KIF1B: variants seen among roughly 807,000 people sequenced by gnomAD.
The protein encoded by KIF1B is kinesin family member 1B, also known as kinesin-like protein KIF1B.
KIF1B carries 76 observed loss-of-function variants against 241.9 expected under a neutral mutation model. The observed-to-expected ratio is 0.31, with a 90% confidence interval of 0.26 to 0.38. The LOEUF (loss-of-function observed/expected upper bound fraction) is 0.38. KIF1B is among the 10% of genes least tolerant of loss of function. The pLI is 1.00. For missense variants in KIF1B, 1,622 were observed against 2,271.4 expected, an observed-to-expected ratio of 0.71 and a Z score of 5.81; for synonymous variants, 750 against 796.7, an observed-to-expected ratio of 0.94 and a Z score of 0.99.
In KIF1B at chr1:10,303,258, C is replaced by G. The variant is rs201059439; in HGVS notation, c.2115+6012C>G. The G allele has an allele frequency of 2.2e-5, 36 of 1,614,020 alleles. No homozygotes were observed. Among genetic ancestry groups the G allele is most frequent in the Non-Finnish European group, 2.7e-5 (32 of 1,180,020 alleles). On this transcript the variant is annotated intron_variant, in intron 22 of 48. Transcript: ENST00000676179. The surrounding 1 kb of genome is among the most constrained non-coding windows in gnomAD (Gnocchi z 5.2). ...CTCTGAGAGAAAAGCTACCTCCCAG[C>G]AAGTTGCAAACCATTGTTAAAAAAT...
At chr1:10,312,132 A>C (rs1651096370) in intron 22 of KIF1B, among the ~76,000 whole-genome samples, 1 of 151,418 alleles carries the variant, frequency 6.6e-6, no homozygotes, top group South Asian at 2.1e-4. Flanking sequence ...CTGATGATAC[A>C]CAACTACTGC....
At chr1:10,227,218 A>G (rs1264631819) in intron 1 of KIF1B, among the ~76,000 whole-genome samples, 1 of 151,886 alleles carries the variant, frequency 6.6e-6, no homozygotes, top group African/African-American at 2.4e-5. Flanking sequence ...GTGCTTTAGT[A>G]GAGATGGGGT....
intron 2 of KIF1B, among the ~76,000 whole-genome samples, chr1:10,239,846 A>G (rs1647110391): frequency 1.3e-5 from 2 of 151,904 alleles, no homozygotes; most frequent in South Asian, 4.1e-4. Context: ...GCTCACTGCA[A>G]GCTCTGCCTC....
At chr1:10,324,107 A>AAT in intron 25 of KIF1B, 45 bp downstream of exon 25, 1 of 1,582,706 alleles carries the variant, frequency 6.3e-7, no homozygotes, top group Non-Finnish European at 8.7e-7. Flanking sequence ...TTAGGAAATA[A>AAT]CAATGACCTG....
chr1:10,256,284 G>A lies in KIF1B; in HGVS notation c.144G>A (p.Lys48=), dbSNP rs975589148. The A allele has an allele frequency of 1.2e-6, 2 of 1,612,662 alleles. No individual in the cohort carries two copies. The highest frequency in any genetic ancestry group is 1.7e-6 in the Non-Finnish European group (2 of 1,178,666). The change falls in exon 3 of 49, where the codon AAG becomes AAA. Residue 48 remains lysine, a synonymous_variant. Coordinates refer to ENST00000676179, the MANE Select transcript of KIF1B (RefSeq NM_001365951.3). The part of the protein sequence containing the change: ...INPKNPKEAP[K]SFSFDYSYWS... ...CAAAGAATCCAAAGGAAGCTCCAAAGTCCTTCAGCTTCGACTATTCCTACT... is the reference window on the plus strand; with the variant it reads ...CAAAGAATCCAAAGGAAGCTCCAAAATCCTTCAGCTTCGACTATTCCTACT...
At position 10,297,264 on chromosome 1, in the gene KIF1B, G is replaced by C; in HGVS notation, c.2115+18G>C. 1 of 1,608,126 alleles carries C rather than the reference G, an allele frequency of 6.2e-7. No individual in the cohort carries two copies. Among genetic ancestry groups the C allele is most frequent in the Non-Finnish European group, 8.5e-7 (1 of 1,175,910 alleles). On this transcript the variant is annotated intron_variant, in intron 22 of 48. Transcript: ENST00000676179. ...AGAGACTGGTAGGAGTCCTGAATCTGCTAAACTGTTGGGAAAAGGGCAGCT... is the reference window on the plus strand; with the variant it reads ...AGAGACTGGTAGGAGTCCTGAATCTCCTAAACTGTTGGGAAAAGGGCAGCT...
intron 1 of KIF1B, among the ~76,000 whole-genome samples, chr1:10,213,070 G>A (rs964719993): frequency 6.6e-6 from 1 of 151,314 alleles, no homozygotes; most frequent in African/African-American, 2.4e-5. Flanking sequence ...AGTGTTTTTT[G>A]CATTACACTA....
At chr1:10,216,945 C>T (rs951799698) in intron 1 of KIF1B, among the ~76,000 whole-genome samples, 4 of 131,466 alleles carry the variant, frequency 3.0e-5, no homozygotes, top group African/African-American at 1.1e-4. Context: ...CCCTGCAGTA[C>T]TTGCCCATTT....
At chr1:10,228,822 A>G (rs1183907977) in intron 1 of KIF1B, among the ~76,000 whole-genome samples, 2 of 152,206 alleles carry the variant, frequency 1.3e-5, no homozygotes, top group Non-Finnish European at 2.9e-5. Flanking sequence ...GAATAAAGCA[A>G]CTTTATATCT....
chr1:10,342,687 T>C (rs768953074), intron 33 of KIF1B, among the ~76,000 whole-genome samples: 3 of 152,230 alleles, frequency 2.0e-5, no homozygotes, highest in Non-Finnish European at 2.9e-5. Flanking sequence ...ATGCCAGAGT[T>C]GAAAATGGAA....
At chr1:10,216,191 T>C (rs1447228385) in intron 1 of KIF1B, among the ~76,000 whole-genome samples, 4 of 152,208 alleles carry the variant, frequency 2.6e-5, no homozygotes, top group African/African-American at 9.6e-5. Flanking sequence ...CCGTTAACTG[T>C]GAAATTTCTT....
At chr1:10,237,347 T>C (rs1039030554) in intron 2 of KIF1B, among the ~76,000 whole-genome samples, 1 of 152,196 alleles carries the variant, frequency 6.6e-6, no homozygotes, top group African/African-American at 2.4e-5. Context: ...GTTATTTGTG[T>C]AAACCTGGAG....
intron 48 of KIF1B, among the ~76,000 whole-genome samples, chr1:10,376,037 A>G (rs1361763106): frequency 2.0e-5 from 3 of 151,492 alleles, no homozygotes; most frequent in Non-Finnish European, 4.4e-5. Context: ...TCCTGACCTC[A>G]GGTGATCCAC....
At chr1:10,340,338 A>G (rs556108306) in intron 32 of KIF1B, among the ~76,000 whole-genome samples, 1 of 152,338 alleles carries the variant, frequency 6.6e-6, no homozygotes, top group African/African-American at 2.4e-5. Context: ...TCCTACGTGG[A>G]GTAAGAAAAC....
At chr1:10,242,068 A>T (rs1647145051) in intron 2 of KIF1B, among the ~76,000 whole-genome samples, 1 of 152,218 alleles carries the variant, frequency 6.6e-6, no homozygotes, top group Non-Finnish European at 1.5e-5. Context: ...TTGTACATAC[A>T]TACAGGTGAT....
intron 2 of KIF1B, among the ~76,000 whole-genome samples, chr1:10,240,121 C>A (rs574225030): frequency 1.3e-5 from 2 of 152,296 alleles, no homozygotes; most frequent in South Asian, 4.1e-4. Context: ...CCAGGCTGGT[C>A]TTGAACTCCT....
intron 22 of KIF1B, among the ~76,000 whole-genome samples, chr1:10,300,798 TAGC>T (rs1650503447): frequency 6.6e-6 from 1 of 152,220 alleles, no homozygotes; most frequent in Non-Finnish European, 1.5e-5. Context: ...CACTTAAAAT[TAGC>T]CATTATGATT....
rs1242777184 is a variant in KIF1B at position 10,303,517 on chromosome 1, G to A, written c.2115+6271G>A. Reference sequence around the variant, plus strand: ...GCTTTGTGCCATGTATGGCAAGAAAGACCCCAATGAGCGGGACTCCTGGAG... The same window carrying A: ...GCTTTGTGCCATGTATGGCAAGAAAAACCCCAATGAGCGGGACTCCTGGAG... On this transcript the variant is annotated intron_variant, in intron 22 of 48. Transcript: ENST00000676179. This position sits in a 1 kb window ranked among gnomAD's most constrained non-coding sequence, Gnocchi z 5.2. 1.2e-6 allele frequency: 2 copies of A among 1,614,088 alleles called. No homozygotes were observed. Among genetic ancestry groups the A allele is most frequent in the African/African-American group, 2.7e-5 (2 of 74,928 alleles).
chr1:10,361,548 A>G (rs115487178), intron 39 of KIF1B, 144 bp from the exon 40 acceptor site: 21,790 of 900,894 alleles, frequency 0.024, 312 homozygotes, highest in African/African-American at 0.039. Flanking sequence ...CATATTATCC[A>G]TTGGGTGGCT....
Sources: allele counts gnomAD v4.1 joint callset (sites outside exome capture counted in the v4.1 genomes callset), GRCh38; gene constraint gnomAD v4.1.1; non-coding constraint Gnocchi (gnomAD v3.1); transcripts MANE v1.5; gene names NCBI Gene and HGNC (gene_info 2026-07-23, HGNC 2026-07-21).